The following FRYL variants were observed in gnomAD, a reference collection of about 807,000 sequenced individuals.
The protein encoded by FRYL is FRY like transcription coactivator.
In FRYL, 150 loss-of-function variants were observed where a neutral mutation model predicts 351.2. That is an observed-to-expected ratio of 0.43 (90% CI 0.37 to 0.49). The LOEUF is 0.49. Ranked by LOEUF, FRYL falls within the 20% of genes least tolerant of loss-of-function variation. The probability of loss-of-function intolerance (pLI) is 0.00; values close to 1 mark genes in which losing one functional copy is unlikely to be tolerated. For missense variants in FRYL, 3,036 were observed against 3,619.3 expected (o/e 0.84, Z 4.13); for synonymous variants, 1,153 against 1,257.1 (o/e 0.92, Z 1.75).
At chr4:48,638,851 CAAG>C (rs1754783065) in intron 3 of FRYL, among the ~76,000 whole-genome samples, 1 of 152,040 alleles carries the variant, frequency 6.6e-6, no homozygotes, top group Non-Finnish European at 1.5e-5. Context: ...CAAACTAACA[CAAG>C]AACAGAAAAC....
At chr4:48,605,983 C>T (rs569544414) in intron 10 of FRYL, 150 bp from the exon 11 acceptor site, 22 of 523,820 alleles carry the variant, frequency 4.2e-5, no homozygotes, top group Non-Finnish European at 5.4e-5. Flanking sequence ...TGGCTGGGTG[C>T]GGTGGCTCAC....
At chr4:48,663,435 G>A (rs1761163236) in intron 3 of FRYL, among the ~76,000 whole-genome samples, 1 of 150,654 alleles carries the variant, frequency 6.6e-6, no homozygotes, top group Non-Finnish European at 1.5e-5. Context: ...AAGAAAAGCG[G>A]GTGGGGAAAG....
At chr4:48,604,349 C>G (rs1746304079) in intron 11 of FRYL, among the ~76,000 whole-genome samples, 1 of 152,138 alleles carries the variant, frequency 6.6e-6, no homozygotes, top group Non-Finnish European at 1.5e-5. Flanking sequence ...GAATCATATC[C>G]CCCCAAAATT....
At chr4:48,720,605 T>C (rs1362259109) in intron 1 of FRYL, among the ~76,000 whole-genome samples, 4 of 152,184 alleles carry the variant, frequency 2.6e-5, no homozygotes, top group Non-Finnish European at 5.9e-5. Flanking sequence ...CAGAACTCTT[T>C]TCATCTTACA....
intron 47 of FRYL, among the ~76,000 whole-genome samples, chr4:48,536,440 G>A (rs1039014741): frequency 2.0e-5 from 3 of 152,052 alleles, no homozygotes; most frequent in Admixed American, 6.6e-5. Flanking sequence ...TAAGATCCTC[G>A]GCCAATCTTT....
At chr4:48,775,093 G>A (rs916926512) in intron 1 of FRYL, among the ~76,000 whole-genome samples, 1 of 152,178 alleles carries the variant, frequency 6.6e-6, no homozygotes, top group African/African-American at 2.4e-5. Flanking sequence ...AGGAACAGCA[G>A]TGTTTGCAAT....
In FRYL at chr4:48,568,886, A is replaced by T. The variant is rs138159969; in HGVS notation, c.2997-1466T>A. Among the ~76,000 whole-genome samples the T allele has an allele frequency of 3.6e-3, 544 of 152,300 alleles. 1 individual carries two copies. The highest frequency in any genetic ancestry group is 0.01 in the Middle Eastern group (3 of 294). On this transcript the variant is annotated intron_variant, in intron 27 of 63. Transcript: ENST00000358350. ...ATCTAACAAATATTCATTACCTTCTATGTGTCAGGCACATGAAATCCACTA... is the reference window on the plus strand; with the variant it reads ...ATCTAACAAATATTCATTACCTTCTTTGTGTCAGGCACATGAAATCCACTA...
chr4:48,556,838 T>C (rs1242952102), intron 35 of FRYL, 140 bp downstream of exon 35: 2 of 600,366 alleles, frequency 3.3e-6, no homozygotes, highest in Non-Finnish European at 5.6e-6. Context: ...AATAAATCCA[T>C]GTGCTATTTC....
intron 4 of FRYL, among the ~76,000 whole-genome samples, 173 bp from the exon 5 acceptor site, chr4:48,623,352 G>A (rs148506923): frequency 1.3e-5 from 2 of 152,216 alleles, no homozygotes; most frequent in African/African-American, 4.8e-5. Flanking sequence ...AGGTCACATG[G>A]TTAATTTAAG....
Position 48,609,820 on chromosome 4 carries a change from G to C in FRYL, c.415C>G (p.Pro139Ala). 1 of 1,559,408 alleles carries C rather than the reference G, an allele frequency of 6.4e-7. No individual in the cohort carries two copies. Among genetic ancestry groups the C allele is most frequent in the Non-Finnish European group, 8.7e-7 (1 of 1,146,846 alleles). The part of the protein sequence containing the change: ...LVLVEVLKQI[P>A]VHPVPDPLVH... ...AAGGGATCGGGTACAGGATGAACAG[G>C]AATCTAGAATTTAAAAAAATTATCA... Residue 139 changes from proline (P) to alanine (A), a missense_variant, in exon 8 of 64, where the codon CCT becomes GCT. Around this residue, in one of 7 missense-constraint regions of FRYL, gnomAD observed 457 missense variants for 566.6 expected, o/e 0.81. Coordinates refer to ENST00000358350, the MANE Select transcript of FRYL (RefSeq NM_015030.2).
At chr4:48,591,793 G>A (rs914483212) in intron 16 of FRYL, among the ~76,000 whole-genome samples, 8 of 151,880 alleles carry the variant, frequency 5.3e-5, no homozygotes, top group African/African-American at 1.9e-4. Context: ...TTTAAGCCTG[G>A]CCTCTCTCTG....
chr4:48,728,735 G>GT (rs1198654544), intron 1 of FRYL, among the ~76,000 whole-genome samples: 8 of 152,176 alleles, frequency 5.3e-5, no homozygotes, highest in Non-Finnish European at 1.2e-4. Context: ...AACCATGAAA[G>GT]TAAGAAGAGA....
At chr4:48,531,434 A>T (rs1456128666) in intron 49 of FRYL, 81 bp from the exon 50 acceptor site, 1 of 808,788 alleles carries the variant, frequency 1.2e-6, no homozygotes, top group African/African-American at 1.7e-5. Context: ...CACCATAAAA[A>T]TATTATTTCT....
intron 13 of FRYL, among the ~76,000 whole-genome samples, chr4:48,600,172 T>C (rs1745426727): frequency 6.6e-6 from 1 of 152,110 alleles, no homozygotes; most frequent in Admixed American, 6.6e-5. Context: ...AGAGATTAAA[T>C]GGATCTCAAA....
rs146150481 is a variant in FRYL at position 48,579,977 on chromosome 4, C to T, written c.2260-736G>A. 4.8e-4 allele frequency among the ~76,000 whole-genome samples: 73 copies of T among 151,628 alleles called. No homozygotes were observed. In the East Asian group the frequency reaches 0.01, roughly 21 times the overall value. ...CATGTATGGAAACATCAAATTGCAC[C>T]GCATAAATATGTACAATTGTATCTA... On this transcript the variant is annotated intron_variant, in intron 22 of 63. Transcript: ENST00000358350.
intron 1 of FRYL, among the ~76,000 whole-genome samples, chr4:48,778,519 A>G (rs981803873): frequency 8.5e-5 from 13 of 152,240 alleles, no homozygotes; most frequent in African/African-American, 3.1e-4. Flanking sequence ...TAACTTGCAC[A>G]TGCAAGTACT....
chr4:48,778,273 T>C (rs772196974), intron 1 of FRYL, among the ~76,000 whole-genome samples: 1 of 151,684 alleles, frequency 6.6e-6, no homozygotes, highest in Non-Finnish European at 1.5e-5. Context: ...TCCACACCAC[T>C]CCGAAGTTAC....
At position 48,742,988 on chromosome 4, in the gene FRYL, T is replaced by A. The variant is rs926330739; in HGVS notation, c.-383-32290A>T. Among the ~76,000 whole-genome samples the A allele has an allele frequency of 3.8e-4, 53 of 140,258 alleles. 3 individuals are homozygous for A. The highest frequency in any genetic ancestry group is 3.5e-3 in the Middle Eastern group (1 of 288). 92.0% of individuals were successfully genotyped at this position (140,258 alleles called of 152,430 possible). On this transcript the variant is annotated intron_variant, in intron 1 of 63. Coordinates refer to ENST00000358350, the MANE Select transcript of FRYL (RefSeq NM_015030.2). ...CGCCTGGATAATTTTTTTTTTTTTT[T>A]TTTTTTTTTTACTAGAGACAGAGTT...
In FRYL at chr4:48,647,499, G is replaced by A. The variant is rs140258044; in HGVS notation, c.-80-13009C>T. On this transcript the variant is annotated intron_variant, in intron 3 of 63. Transcript: ENST00000358350. Reference sequence around the variant, plus strand: ...ATTTTGAATCTTATTAGTAAACTATGTATTTAATATTTATCAATAAAATTT... The same window carrying A: ...ATTTTGAATCTTATTAGTAAACTATATATTTAATATTTATCAATAAAATTT... 7.2e-5 allele frequency among the ~76,000 whole-genome samples: 11 copies of A among 152,232 alleles called. No individual in the cohort carries two copies. In the East Asian group the frequency reaches 2.1e-3, roughly 29 times the overall value.
Sources: gnomAD v4.1 joint callset for allele counts (sites outside exome capture counted in the v4.1 genomes callset) on GRCh38, gnomAD v4.1.1 for gene constraint, gnomAD v4.1.1 regional missense constraint, MANE v1.5 for transcripts, NCBI Gene and HGNC (gene_info 2026-07-23, HGNC 2026-07-21) for gene names.